Variants in IL34 observed in about 807,000 individuals in gnomAD.
The protein encoded by IL34 is interleukin 34, also known as interleukin-34.
Under a neutral mutation model 25.3 loss-of-function variants are expected in IL34, and 17 were observed. The ratio of observed to expected loss-of-function variants is 0.67; its 90% CI spans 0.46 to 1.01. The LOEUF is 1.01. Ranked by LOEUF, IL34 falls within the 50% of genes least tolerant of loss-of-function variation. The probability of loss-of-function intolerance (pLI) is 0.00; values close to 1 mark genes in which losing one functional copy is unlikely to be tolerated. For synonymous variants in IL34, 174 were observed against 140.9 expected, an observed-to-expected ratio of 1.23 and a Z score of -1.66; for missense variants, 368 against 312.9, an observed-to-expected ratio of 1.18 and a Z score of -1.33.
chr16:70,642,012 C>T (rs1188839023), upstream of IL34, among the ~76,000 whole-genome samples: 5 of 152,236 alleles, frequency 3.3e-5, no homozygotes, highest in East Asian at 1.9e-4. Flanking sequence ...GAGTAAAGTA[C>T]GGATACATGC....
At chr16:70,636,301 G>T (rs1302706369) in intron 1 of IL34, among the ~76,000 whole-genome samples, 1 of 152,050 alleles carries the variant, frequency 6.6e-6, no homozygotes, top group East Asian at 1.9e-4. Flanking sequence ...CTCCCAAAGT[G>T]CTGGGATTAC....
At chr16:70,626,101 G>A (rs2051387884) in intron 1 of IL34, among the ~76,000 whole-genome samples, 2 of 152,176 alleles carry the variant, frequency 1.3e-5, no homozygotes, top group African/African-American at 2.4e-5. Context: ...GGTGGGCTGA[G>A]TCCAAAAAGA....
At chr16:70,645,398 G>A (rs1323564564), upstream of IL34, among the ~76,000 whole-genome samples, 3 of 152,162 alleles carry the variant, frequency 2.0e-5, no homozygotes, top group East Asian at 3.9e-4. Context: ...GCTCTCCCCC[G>A]ATGGTGTCAC....
At chr16:70,582,810 C>G (rs1022507195) in intron 1 of IL34, among the ~76,000 whole-genome samples, 1 of 152,216 alleles carries the variant, frequency 6.6e-6, no homozygotes, top group Admixed American at 6.5e-5. Context: ...GGCACACTGC[C>G]CCCTGCTGCA....
At chr16:70,621,496 G>A (rs936555039) in intron 1 of IL34, among the ~76,000 whole-genome samples, 2 of 152,062 alleles carry the variant, frequency 1.3e-5, no homozygotes, top group African/African-American at 2.4e-5. Flanking sequence ...TCCTTGGGCT[G>A]GTCGGTCTGA....
intron 1 of IL34, among the ~76,000 whole-genome samples, chr16:70,615,672 C>G (rs922349411): frequency 6.6e-6 from 1 of 152,042 alleles, no homozygotes; most frequent in Non-Finnish European, 1.5e-5. Flanking sequence ...ATGAAAGTGC[C>G]AGGCGCAGTG....
intron 1 of IL34, among the ~76,000 whole-genome samples, chr16:70,596,759 A>G (rs933677203): frequency 1.3e-5 from 2 of 152,162 alleles, no homozygotes; most frequent in African/African-American, 4.8e-5. Context: ...TTTATTAAAA[A>G]AATTGGTTTT....
At chr16:70,654,005 G>C (rs2151880355) in intron 1 of IL34, 1 of 152,502 alleles carries the variant, frequency 6.6e-6, no homozygotes, top group Non-Finnish European at 1.5e-5. Context: ...ACTGGAAGGC[G>C]CTACAGACCC....
At chr16:70,643,368 C>T (rs1351950058), upstream of IL34, among the ~76,000 whole-genome samples, 1 of 151,820 alleles carries the variant, frequency 6.6e-6, no homozygotes, top group South Asian at 2.1e-4. Context: ...CTGGCTGTTG[C>T]ACACTTTATT....
intron 1 of IL34, among the ~76,000 whole-genome samples, chr16:70,606,188 G>A (rs959142547): frequency 3.6e-4 from 55 of 151,956 alleles, no homozygotes; most frequent in African/African-American, 7.2e-4. Flanking sequence ...CCTGAGCTTG[G>A]GAGTTCGAGA....
At chr16:70,646,007 C>G (rs528237006), upstream of IL34, among the ~76,000 whole-genome samples, 5 of 152,284 alleles carry the variant, frequency 3.3e-5, no homozygotes, top group South Asian at 8.3e-4. Flanking sequence ...GAGCCAAAAT[C>G]ACGCCACTGC....
chr16:70,637,455 TCTC>T (rs2151858161), intron 1 of IL34, among the ~76,000 whole-genome samples: 1 of 152,274 alleles, frequency 6.6e-6, no homozygotes, highest in East Asian at 1.9e-4. Context: ...TTCAAGTAAT[TCTC>T]CTGCCTCAGC....
intron 4 of IL34, among the ~76,000 whole-genome samples, chr16:70,658,726 C>G (rs890646151): frequency 2.0e-5 from 3 of 152,180 alleles, no homozygotes; most frequent in African/African-American, 7.2e-5. Context: ...CTCCCTCAGC[C>G]TCCCAAAGTG....
At chr16:70,586,597 A>C (rs898447934) in intron 1 of IL34, among the ~76,000 whole-genome samples, 1 of 152,092 alleles carries the variant, frequency 6.6e-6, no homozygotes, top group Non-Finnish European at 1.5e-5. Context: ...CACTCAGAGG[A>C]GCCTTAGTCC....
intron 5 of IL34, 86 bp downstream of exon 5, chr16:70,659,839 C>G (rs1254470526): frequency 1.3e-6 from 2 of 1,520,868 alleles, no homozygotes; most frequent in Non-Finnish European, 1.8e-6. Context: ...CTGGCGTCCT[C>G]CCGGGCATAT....
chr16:70,621,450 G>A (rs2051280258), intron 1 of IL34, among the ~76,000 whole-genome samples: 1 of 149,310 alleles, frequency 6.7e-6, no homozygotes, highest in Admixed American at 6.7e-5. Flanking sequence ...AGAAGAGTAA[G>A]AAGGGGCCGC....
chr16:70,608,509 C>A (rs1471055066), intron 1 of IL34, among the ~76,000 whole-genome samples: 1 of 152,168 alleles, frequency 6.6e-6, no homozygotes, highest in Non-Finnish European at 1.5e-5. Context: ...GATCTAGGTG[C>A]CCCCAGCACA....
intron 1 of IL34, among the ~76,000 whole-genome samples, chr16:70,619,391 G>C: frequency 6.6e-6 from 1 of 152,118 alleles, no homozygotes; most frequent in South Asian, 2.1e-4. Flanking sequence ...CTGTAGTCCA[G>C]GAATAGTCAG....
upstream of IL34, among the ~76,000 whole-genome samples, chr16:70,642,049 T>TA (rs1411496805): frequency 6.6e-6 from 1 of 152,120 alleles, no homozygotes; most frequent in East Asian, 1.9e-4. Context: ...TGGCCTTCCA[T>TA]AAAAAAATAC....
Sources: allele counts gnomAD v4.1 joint callset (sites outside exome capture counted in the v4.1 genomes callset), GRCh38; gene constraint gnomAD v4.1.1; transcripts MANE v1.5; gene names NCBI Gene and HGNC (gene_info 2026-07-23, HGNC 2026-07-21).